The following PCDHGA4 variants were observed in gnomAD, a reference collection of about 807,000 sequenced individuals.
The protein encoded by PCDHGA4 is protocadherin gamma subfamily A, 4.
Under a neutral mutation model 54.6 loss-of-function variants are expected in PCDHGA4, and 38 were observed. The observed-to-expected ratio is 0.70, with a 90% CI of 0.54 to 0.91. The LOEUF (loss-of-function observed/expected upper bound fraction) is 0.91, where lower values mean the gene tolerates loss of function less well. PCDHGA4 is among the 40% of genes least tolerant of loss of function. The probability of loss-of-function intolerance (pLI) is 0.00; values close to 1 mark genes in which losing one functional copy is unlikely to be tolerated. For missense variants in PCDHGA4, 1,298 were observed against 1,220.9 expected, an observed-to-expected ratio of 1.06 and a Z score of -0.94; for synonymous variants, 511 against 512.9, an observed-to-expected ratio of 1.00 and a Z score of 0.05.
chr5:141,422,919 G>C (rs1445179310), intron 1 of PCDHGA4: 9 of 1,614,120 alleles, frequency 5.6e-6, no homozygotes, highest in Non-Finnish European at 6.8e-6. Context: ...CCGAGATCCT[G>C]TACCCTGCCC....
chr5:141,492,091 C>G (rs930375969), intron 1 of PCDHGA4, among the ~76,000 whole-genome samples: 5 of 152,242 alleles, frequency 3.3e-5, no homozygotes, highest in Non-Finnish European at 5.9e-5. Flanking sequence ...CACGCTTCGC[C>G]GGTCTGTAGA....
Position 141,423,758 on chromosome 5 carries a change from GGGT to G in PCDHGA4, c.2514+66140_2514+66142del, listed in dbSNP as rs776356896. The G allele has an allele frequency of 7.0e-4, 256 of 366,834 alleles. 2 individuals are homozygous for G. The highest frequency in any genetic ancestry group is 6.8e-3 in the African/African-American group (232 of 34,230). The allele number at this position is 366,834 out of a possible 1,614,324, so 22.7% of individuals were successfully genotyped here. A position where few individuals can be genotyped will look rare whatever the true frequency, so the allele number is the denominator to read the frequency against. ...CTGTTATGAAAACTGTTTGGGGGGG[GGGT>G]GGGGCGGCATATATTTAGTTCATAT... On this transcript the variant is annotated intron_variant, in intron 1 of 3. Coordinates refer to ENST00000571252, the MANE Select transcript of PCDHGA4 (RefSeq NM_018917.4).
At chr5:141,386,658 G>A (rs191902245) in intron 1 of PCDHGA4, among the ~76,000 whole-genome samples, 60 of 151,932 alleles carry the variant, frequency 3.9e-4, no homozygotes, top group African/African-American at 1.4e-3. Context: ...TACAAGTTCT[G>A]CAGTGTTCAC....
intron 1 of PCDHGA4, chr5:141,399,220 A>T: frequency 6.2e-7 from 1 of 1,613,966 alleles, no homozygotes; most frequent in East Asian, 2.2e-5. Flanking sequence ...AATTGCTTTG[A>T]TCAAAATACA....
chr5:141,491,861 C>A lies in PCDHGA4; in HGVS notation c.2515-2946C>A. ...GGATCATTGGACCGTTTGCGCGAAA[C>A]CAGAGTGGCCGATTAAGGGATGGGG... On this transcript the variant is annotated intron_variant, in intron 1 of 3. Transcript: ENST00000571252. The surrounding 1 kb of genome is among the most constrained non-coding windows in gnomAD (Gnocchi z 6.9). 6.9e-7 allele frequency: 1 copy of A among 1,455,272 alleles called. No homozygotes were observed. The highest frequency in any genetic ancestry group is 9.1e-7 in the Non-Finnish European group (1 of 1,100,930). The allele number at this position is 1,455,272 out of a possible 1,614,324, so 90.1% of individuals were successfully genotyped here.
intron 1 of PCDHGA4, chr5:141,388,977 G>A (rs1299469066): frequency 6.2e-7 from 1 of 1,613,990 alleles, no homozygotes; most frequent in African/African-American, 1.3e-5. Context: ...AACACATATT[G>A]CTTTGCTCAA....
At chr5:141,484,120 C>A (rs1158603108) in intron 1 of PCDHGA4, among the ~76,000 whole-genome samples, 1 of 152,146 alleles carries the variant, frequency 6.6e-6, no homozygotes, top group African/African-American at 2.4e-5. Flanking sequence ...ATCAAGAATA[C>A]CTTGGTGTCA....
chr5:141,383,027 C>A lies in PCDHGA4; in HGVS notation c.2514+25406C>A, dbSNP rs752703068. 3 of 1,613,838 alleles carry A rather than the reference C, an allele frequency of 1.9e-6. No homozygotes were observed. In the South Asian group the frequency reaches 3.3e-5, roughly 18 times the overall value. ...GTGTCGGAGGAGACGGACAAAGGGTCCTTTGTGGGAGACATCGCCAAGGAC... is the reference window on the plus strand; with the variant it reads ...GTGTCGGAGGAGACGGACAAAGGGTACTTTGTGGGAGACATCGCCAAGGAC... On this transcript the variant is annotated intron_variant, in intron 1 of 3. Coordinates refer to ENST00000571252, the MANE Select transcript of PCDHGA4 (RefSeq NM_018917.4).
At chr5:141,374,200 G>A (rs372035857) in intron 1 of PCDHGA4, 17 of 1,613,778 alleles carry the variant, frequency 1.1e-5, no homozygotes, top group African/African-American at 2.7e-5. Context: ...CCGAGGAGCT[G>A]GAGAAAGGCT....
chr5:141,456,312 GCTC>G (rs2098849548), intron 1 of PCDHGA4, among the ~76,000 whole-genome samples: 1 of 152,126 alleles, frequency 6.6e-6, no homozygotes, highest in Admixed American at 6.6e-5. Context: ...AGCAGCTAGG[GCTC>G]CTCCTGGGGT....
At position 141,490,054 on chromosome 5, in the gene PCDHGA4, G is replaced by A. The variant is rs2099695440; in HGVS notation, c.2515-4753G>A. The A allele has an allele frequency of 6.2e-7, 1 of 1,614,104 alleles. No individual in the cohort carries two copies. The highest frequency in any genetic ancestry group is 1.3e-5 in the African/African-American group (1 of 74,944). ...CCTCAATGCCACTGATCCAGACGAG[G>A]GCACCAACGGCCAACTAGACTATTC... On this transcript the variant is annotated intron_variant, in intron 1 of 3. Transcript: ENST00000571252. This position sits in a 1 kb window ranked among gnomAD's most constrained non-coding sequence, Gnocchi z 5.4.
In PCDHGA4 at chr5:141,379,873, T is replaced by C. The variant is rs533347585; in HGVS notation, c.2514+22252T>C. ...AAATTATTGTCTTATTCTTATTTTA[T>C]GGTCTGTGAAAGCCTCTTTTTTTTT... On this transcript the variant is annotated intron_variant, in intron 1 of 3. Transcript: ENST00000571252. Among the ~76,000 whole-genome samples, 18 of 148,596 alleles carry C rather than the reference T, an allele frequency of 1.2e-4. No individual in the cohort carries two copies. The South Asian group carries it at 2.8e-3, about 23-fold the overall frequency.
intron 1 of PCDHGA4, among the ~76,000 whole-genome samples, chr5:141,363,429 T>A (rs1762921344): frequency 6.6e-6 from 1 of 152,366 alleles, no homozygotes; most frequent in Admixed American, 6.5e-5. Context: ...TGTCTCAACA[T>A]AGAAAGGTCA....
chr5:141,477,572 G>T lies in PCDHGA4; in HGVS notation c.2515-17235G>T, dbSNP rs375416133. The T allele has an allele frequency of 6.2e-7, 1 of 1,614,112 alleles. No homozygotes were observed. Among genetic ancestry groups the T allele is most frequent in the South Asian group, 1.1e-5 (1 of 91,072 alleles). ...AAACCTAAGTGTCTGGGACCCCGAC[G>T]CCCCGCAGAATGCTCGGCTTTCTTT... On this transcript the variant is annotated intron_variant, in intron 1 of 3. Transcript: ENST00000571252. The surrounding 1 kb of genome is among the most constrained non-coding windows in gnomAD (Gnocchi z 4.9).
At position 141,356,029 on chromosome 5, in the gene PCDHGA4, G is replaced by T; in HGVS notation, c.922G>T (p.Val308Leu). The change falls in exon 1 of 4, where the codon GTG becomes TTG. Residue 308 changes from valine to leucine, a missense_variant. Coordinates refer to ENST00000571252, the MANE Select transcript of PCDHGA4 (RefSeq NM_018917.4). The part of the protein sequence containing the change: ...TDPDEGANGD[V>L]TYSFRKVRDK... The stretch of plus-strand genomic sequence containing the variant: ...TCCAGATGAAGGAGCCAATGGAGAC[G>T]TGACGTATTCTTTCCGGAAAGTAAG... 1 of 1,613,954 alleles carries T rather than the reference G, an allele frequency of 6.2e-7. No homozygotes were observed. The highest frequency in any genetic ancestry group is 1.1e-5 in the South Asian group (1 of 91,076).
chr5:141,448,511 A>C (rs2098593334), intron 1 of PCDHGA4, among the ~76,000 whole-genome samples: 1 of 152,076 alleles, frequency 6.6e-6, no homozygotes, highest in Admixed American at 6.6e-5. Context: ...ACATTTTATA[A>C]CTTTATTAAG....
At chr5:141,429,801 C>T (rs2097245893) in intron 1 of PCDHGA4, among the ~76,000 whole-genome samples, 1 of 152,104 alleles carries the variant, frequency 6.6e-6, no homozygotes, top group African/African-American at 2.4e-5. Flanking sequence ...CAGTAATTCT[C>T]AGTAATTACA....
At chr5:141,396,447 C>T (rs1200125693) in intron 1 of PCDHGA4, 2 of 152,068 alleles carry the variant, frequency 1.3e-5, no homozygotes, top group South Asian at 2.1e-4. Flanking sequence ...GGTGAAACCC[C>T]GTCTCTACTA....
chr5:141,409,882 G>A, intron 1 of PCDHGA4: 1 of 1,613,006 alleles, frequency 6.2e-7, no homozygotes, highest in Non-Finnish European at 8.5e-7. Context: ...ACAACGCACC[G>A]CGGGTGCTGT....
Sources: gnomAD v4.1 joint callset for allele counts (sites outside exome capture counted in the v4.1 genomes callset) on GRCh38, gnomAD v4.1.1 for gene constraint, Gnocchi (gnomAD v3.1) non-coding constraint, MANE v1.5 for transcripts, NCBI Gene and HGNC (gene_info 2026-07-23, HGNC 2026-07-21) for gene names.